The following FSTL5 variants were observed in gnomAD, a reference collection of about 807,000 sequenced individuals.
FSTL5 encodes follistatin like 5.
Under a neutral mutation model 89.1 loss-of-function variants are expected in FSTL5, and 62 were observed. The observed-to-expected ratio is 0.70, with a 90% CI of 0.57 to 0.86. FSTL5 has a LOEUF of 0.86. FSTL5 is among the 40% of genes least tolerant of loss of function. The probability of loss-of-function intolerance (pLI) is 0.00; values close to 1 mark genes in which losing one functional copy is unlikely to be tolerated. For synonymous variants in FSTL5, 383 were observed against 346.2 expected (o/e 1.11, Z -1.18); for missense variants, 1,057 against 1,001.6 (o/e 1.06, Z -0.75).
At chr4:161,868,147 A>G (rs1373678935) in intron 4 of FSTL5, among the ~76,000 whole-genome samples, 1 of 152,156 alleles carries the variant, frequency 6.6e-6, no homozygotes, top group East Asian at 1.9e-4. Flanking sequence ...CTAAAACAGG[A>G]TTTTTTTAAA....
chr4:161,893,360 T>C (rs1216885570), intron 4 of FSTL5, among the ~76,000 whole-genome samples: 1 of 152,172 alleles, frequency 6.6e-6, no homozygotes, highest in Non-Finnish European at 1.5e-5. Flanking sequence ...AATTAGCTTT[T>C]AACACTAGAA....
chr4:161,912,138 T>G (rs6853701), intron 4 of FSTL5, among the ~76,000 whole-genome samples: 124,766 of 152,082 alleles, frequency 0.82, 52,005 homozygotes, highest in Non-Finnish European at 0.9. Context: ...TTTTTACCAC[T>G]GTGTTTTTGA....
intron 4 of FSTL5, among the ~76,000 whole-genome samples, chr4:161,831,673 C>T (rs1280378597): frequency 6.6e-6 from 1 of 151,676 alleles, no homozygotes; most frequent in South Asian, 2.1e-4. Context: ...TATTTTTCCA[C>T]AAGATTTTAG....
intron 7 of FSTL5, among the ~76,000 whole-genome samples, chr4:161,599,537 T>C (rs534109485): frequency 6.6e-6 from 1 of 150,766 alleles, no homozygotes; most frequent in Non-Finnish European, 1.5e-5. Flanking sequence ...TGGTGAATAA[T>C]TAAACACTGC....
intron 7 of FSTL5, among the ~76,000 whole-genome samples, chr4:161,590,373 T>C (rs1350944520): frequency 2.6e-5 from 4 of 152,016 alleles, no homozygotes; most frequent in African/African-American, 9.7e-5. Context: ...ACCCCGTCTC[T>C]ACTAAAAATA....
At chr4:161,937,081 G>A (rs932067382) in intron 3 of FSTL5, among the ~76,000 whole-genome samples, 1 of 151,924 alleles carries the variant, frequency 6.6e-6, no homozygotes, top group African/African-American at 2.4e-5. Context: ...TGAAAGATAA[G>A]ACCAAAATAA....
intron 7 of FSTL5, among the ~76,000 whole-genome samples, chr4:161,645,373 A>G (rs1222996781): frequency 6.6e-6 from 1 of 152,198 alleles, no homozygotes; most frequent in South Asian, 2.1e-4. Flanking sequence ...CTTTGTAAAT[A>G]TTTCTGCCAC....
intron 2 of FSTL5, among the ~76,000 whole-genome samples, chr4:162,069,648 T>C (rs1239652379): frequency 6.6e-6 from 1 of 151,960 alleles, no homozygotes; most frequent in East Asian, 1.9e-4. Context: ...GTGGTATTTA[T>C]CTTTCTGTGT....
intron 6 of FSTL5, among the ~76,000 whole-genome samples, chr4:161,693,366 A>T (rs1043658164): frequency 2.6e-5 from 4 of 152,096 alleles, no homozygotes; most frequent in African/African-American, 9.7e-5. Flanking sequence ...GATTTTGAGT[A>T]GTTTTGGTGA....
intron 6 of FSTL5, among the ~76,000 whole-genome samples, chr4:161,739,325 G>A (rs1297138354): frequency 6.6e-6 from 1 of 152,128 alleles, no homozygotes; most frequent in Non-Finnish European, 1.5e-5. Flanking sequence ...ACAAGCCAAG[G>A]AGAGATGCCT....
intron 6 of FSTL5, among the ~76,000 whole-genome samples, chr4:161,700,538 G>T (rs1738351799): frequency 1.3e-5 from 2 of 151,632 alleles, no homozygotes; most frequent in Non-Finnish European, 2.9e-5. Context: ...TATGAAACTG[G>T]CTAATTTTTG....
intron 6 of FSTL5, among the ~76,000 whole-genome samples, chr4:161,686,566 T>C (rs887918703): frequency 6.6e-6 from 1 of 150,988 alleles, no homozygotes; most frequent in African/African-American, 2.4e-5. Flanking sequence ...TTCACCGTGT[T>C]ATCCAGGACG....
chr4:162,142,123 A>C (rs1732772728), intron 1 of FSTL5, among the ~76,000 whole-genome samples: 1 of 152,102 alleles, frequency 6.6e-6, no homozygotes, highest in Non-Finnish European at 1.5e-5. Context: ...ACCCACCCAG[A>C]ATCTCAGTGG....
rs143933022 is a variant in FSTL5 at position 161,851,312 on chromosome 4, A to G, written c.409+69092T>C. Among the ~76,000 whole-genome samples, 64 of 152,256 alleles carry G rather than the reference A, an allele frequency of 4.2e-4. 1 individual carries two copies. In the East Asian group the frequency reaches 6.6e-3, roughly 16 times the overall value. ...TACTGTCTCAGAAGATTTTTACAAC[A>G]TATATCTAAATGTGGGTTTCTTTCA... On this transcript the variant is annotated intron_variant, in intron 4 of 15. Coordinates refer to ENST00000306100, the MANE Select transcript of FSTL5 (RefSeq NM_020116.5).
chr4:161,532,719 A>G (rs28367545), intron 10 of FSTL5, among the ~76,000 whole-genome samples: 4,096 of 152,262 alleles, frequency 0.027, 173 homozygotes, highest in African/African-American at 0.092. Flanking sequence ...TGGACTTAAA[A>G]TTGACACCTG....
intron 4 of FSTL5, among the ~76,000 whole-genome samples, chr4:161,825,255 T>C (rs1031596018): frequency 7.2e-5 from 11 of 152,216 alleles, no homozygotes; most frequent in African/African-American, 2.7e-4. Context: ...TTGATCATGG[T>C]GGATTATCTT....
intron 3 of FSTL5, among the ~76,000 whole-genome samples, chr4:162,004,590 T>G (rs571877216): frequency 6.6e-6 from 1 of 152,286 alleles, no homozygotes; most frequent in East Asian, 1.9e-4. Flanking sequence ...ACTACTCAAA[T>G]ATTATCATAT....
chr4:162,012,880 A>G (rs977738692), intron 3 of FSTL5, among the ~76,000 whole-genome samples: 26 of 152,140 alleles, frequency 1.7e-4, no homozygotes, highest in Non-Finnish European at 2.8e-4. Flanking sequence ...TATGAAATTT[A>G]CTTATTAAAA....
chr4:162,040,464 A>C (rs1737907966), intron 2 of FSTL5, among the ~76,000 whole-genome samples: 1 of 152,024 alleles, frequency 6.6e-6, no homozygotes, highest in African/African-American at 2.4e-5. Context: ...ATAGGTTCAC[A>C]CACACGTGCA....
Sources: gnomAD v4.1 joint callset for allele counts (sites outside exome capture counted in the v4.1 genomes callset) on GRCh38, gnomAD v4.1.1 for gene constraint, MANE v1.5 for transcripts, NCBI Gene and HGNC (gene_info 2026-07-23, HGNC 2026-07-21) for gene names.